Variants in SAMD3 observed in about 807,000 individuals in gnomAD.
SAMD3 encodes sterile alpha motif domain containing 3, also known as sterile alpha motif domain-containing protein 3.
Under a neutral mutation model 58.5 loss-of-function variants are expected in SAMD3, and 63 were observed. The observed-to-expected ratio is 1.08, with a 90% CI of 0.88 to 1.33. The LOEUF is 1.33. SAMD3 is among the 40% of genes most tolerant of loss of function. SAMD3 has a pLI of 0.00. For missense variants in SAMD3, 604 were observed against 608.4 expected (o/e 0.99, Z 0.08); for synonymous variants, 220 against 210.3 (o/e 1.05, Z -0.40).
chr6:130,358,737 A>G (rs1386641396), intron 1 of SAMD3, among the ~76,000 whole-genome samples: 1 of 145,758 alleles, frequency 6.9e-6, no homozygotes, highest in Non-Finnish European at 1.5e-5. Context: ...ACACACACAC[A>G]CACACACACA....
chr6:130,279,737 G>A (rs1328880158), intron 2 of SAMD3, among the ~76,000 whole-genome samples: 8 of 152,016 alleles, frequency 5.3e-5, no homozygotes, highest in Non-Finnish European at 8.8e-5. Flanking sequence ...CACCCGCCTC[G>A]GCCTCCCAAA....
chr6:130,274,389 G>A (rs11154556), intron 2 of SAMD3, among the ~76,000 whole-genome samples: 47,294 of 151,954 alleles, frequency 0.31, 7,742 homozygotes, highest in East Asian at 0.47. Flanking sequence ...AGATAGGGAG[G>A]GACTGTCTGG....
At chr6:130,273,437 A>T (rs1367032811) in intron 2 of SAMD3, among the ~76,000 whole-genome samples, 2 of 152,158 alleles carry the variant, frequency 1.3e-5, no homozygotes, top group Non-Finnish European at 2.9e-5. Flanking sequence ...GTCTCTTAAA[A>T]TTAACCATTT....
At chr6:130,286,732 G>GA (rs1775169170) in intron 2 of SAMD3, among the ~76,000 whole-genome samples, 1 of 152,092 alleles carries the variant, frequency 6.6e-6, no homozygotes, top group Non-Finnish European at 1.5e-5. Context: ...TTTGTTTTGA[G>GA]ATAGAGTCTT....
At chr6:130,186,429 C>A (rs1421360872) in intron 5 of SAMD3, among the ~76,000 whole-genome samples, 1 of 152,102 alleles carries the variant, frequency 6.6e-6, no homozygotes, top group Non-Finnish European at 1.5e-5. Flanking sequence ...TTTGGCGGTC[C>A]CTACTATATC....
chr6:130,156,350 A>G (rs1789780761), intron 8 of SAMD3, among the ~76,000 whole-genome samples: 2 of 152,046 alleles, frequency 1.3e-5, no homozygotes, highest in South Asian at 4.2e-4. Flanking sequence ...AAAAAAAGGA[A>G]TACTCTCTAA....
chr6:130,144,039 C>G (rs1184359266), downstream of SAMD3: 2 of 154,292 alleles, frequency 1.3e-5, no homozygotes, highest in Non-Finnish European at 2.9e-5. Flanking sequence ...TCTCCTGGGG[C>G]AAGGCAGATC....
At chr6:130,328,017 A>G (rs1776810426) in intron 1 of SAMD3, among the ~76,000 whole-genome samples, 1 of 152,206 alleles carries the variant, frequency 6.6e-6, no homozygotes. Context: ...CTAACTCTCT[A>G]GATATGGTCC....
chr6:130,349,718 T>G (rs1777592097), intron 1 of SAMD3, among the ~76,000 whole-genome samples: 1 of 152,366 alleles, frequency 6.6e-6, no homozygotes, highest in South Asian at 2.1e-4. Context: ...TAACTCATTT[T>G]ATGAGGCCAG....
At chr6:130,162,260 T>C (rs993827860) in intron 8 of SAMD3, 4 of 701,818 alleles carry the variant, frequency 5.7e-6, no homozygotes, top group Non-Finnish European at 1.0e-5. Flanking sequence ...AGCCAACTTT[T>C]AGTTTAAGCT....
At chr6:130,165,498 T>C (rs906277205) in intron 8 of SAMD3, among the ~76,000 whole-genome samples, 1 of 152,172 alleles carries the variant, frequency 6.6e-6, no homozygotes, top group African/African-American at 2.4e-5. Context: ...AAAACAAAAT[T>C]ATTTTCACCA....
chr6:130,241,492 GC>G (rs1773357856), intron 2 of SAMD3, among the ~76,000 whole-genome samples: 1 of 152,000 alleles, frequency 6.6e-6, no homozygotes, highest in African/African-American at 2.4e-5. Context: ...AGGATTACAG[GC>G]ATGAGCCACT....
chr6:130,187,936 T>C (rs1469872520), intron 5 of SAMD3, among the ~76,000 whole-genome samples: 1 of 152,200 alleles, frequency 6.6e-6, no homozygotes, highest in Admixed American at 6.5e-5. Flanking sequence ...ATGCCTACAG[T>C]TGGCCCCCGG....
chr6:130,175,619 C>T (rs535656514), intron 8 of SAMD3: 57 of 350,256 alleles, frequency 1.6e-4, no homozygotes, highest in Non-Finnish European at 2.3e-4. Context: ...GTGAAAAAAA[C>T]TGGACACGAG....
chr6:130,154,154 C>G (rs1481346935), intron 9 of SAMD3, among the ~76,000 whole-genome samples: 2 of 152,070 alleles, frequency 1.3e-5, no homozygotes, highest in Non-Finnish European at 2.9e-5. Flanking sequence ...ATCCGCCACC[C>G]TCCACAATAT....
Position 130,344,353 on chromosome 6 carries a change from T to C in SAMD3, c.-304+20767A>G, listed in dbSNP as rs573388741. On this transcript the variant is annotated intron_variant, in intron 1 of 13. Transcript: ENST00000368134. ...CTTAATATATTCTGCTTAAACATTC[T>C]TCTGGAGATACTTGTTTCTGACCTT... Among the ~76,000 whole-genome samples the C allele has an allele frequency of 1.7e-3, 257 of 152,320 alleles. 2 individuals are homozygous for C. Among genetic ancestry groups the C allele is most frequent in the Non-Finnish European group, 8.7e-4 (59 of 68,036 alleles).
Position 130,333,044 on chromosome 6 carries a change from C to CGCGTGTGTGTGT in SAMD3, c.-303-19952_-303-19951insACACACACACGC, listed in dbSNP as rs369725350. Among the ~76,000 whole-genome samples, 10 of 143,658 alleles carry CGCGTGTGTGTGT rather than the reference C, an allele frequency of 7.0e-5. No individual in the cohort carries two copies. The South Asian group carries it at 9.3e-4, about 13-fold the overall frequency. 94.2% of individuals were successfully genotyped at this position (143,658 alleles called of 152,430 possible). A position where few individuals can be genotyped will look rare whatever the true frequency, so the allele number is the denominator to read the frequency against. On this transcript the variant is annotated intron_variant, in intron 1 of 13. Transcript: ENST00000368134. ...CAAGACAGGGCCACAGTTGAGTATGCGTGTGTGTGTGTGTGTGTGTGTGTG... is the reference window on the plus strand; with the variant it reads ...CAAGACAGGGCCACAGTTGAGTATGCGCGTGTGTGTGTGTGTGTGTGTGTGTGTGTGTGTGTG...
intron 2 of SAMD3, among the ~76,000 whole-genome samples, chr6:130,302,106 C>A (rs906825009): frequency 4.6e-5 from 7 of 152,082 alleles, no homozygotes; most frequent in African/African-American, 1.7e-4. Context: ...AACTGAAGAG[C>A]TTCTGCACAG....
rs767010924 is a variant in SAMD3, at chr6:130,145,472, A to G, written c.1196-50T>C. The G allele has an allele frequency of 2.1e-5, 27 of 1,290,360 alleles. No homozygotes were observed. In the East Asian group the frequency reaches 2.6e-4, roughly 12 times the overall value. The allele number at this position is 1,290,360 out of a possible 1,614,324, so 79.9% of individuals were successfully genotyped here. ...GTGAAGTAAAAATAAGCTTTTAGCA[A>G]TTGTAAGCTAAGCTAGTATTGAAAC... On this transcript the variant is annotated intron_variant, in intron 10 of 11. Transcript: ENST00000439090.
Sources: gnomAD v4.1 joint callset for allele counts (sites outside exome capture counted in the v4.1 genomes callset) on GRCh38, gnomAD v4.1.1 for gene constraint, MANE v1.5 for transcripts, NCBI Gene and HGNC (gene_info 2026-07-23, HGNC 2026-07-21) for gene names.